ADCYAP1: variants seen among roughly 807,000 people sequenced by gnomAD.
ADCYAP1 encodes the protein adenylate cyclase activating polypeptide 1.
In ADCYAP1, 6 loss-of-function variants were observed where a neutral mutation model predicts 18.5. The ratio of observed to expected loss-of-function variants is 0.32; its 90% CI spans 0.18 to 0.64. ADCYAP1 has a LOEUF of 0.64. Ranked by LOEUF, ADCYAP1 falls within the 30% of genes least tolerant of loss-of-function variation. The pLI is 0.77. For synonymous variants in ADCYAP1, 136 were observed against 113.9 expected (o/e 1.19, Z -1.24); for missense variants, 314 against 253.6 (o/e 1.24, Z -1.62).
rs939591262 is a variant in ADCYAP1 at position 911,735 on chromosome 18, G to A, written c.*2100G>A. The A allele has an allele frequency of 2.0e-5, 3 of 152,194 alleles. No homozygotes were observed. Among genetic ancestry groups the A allele is most frequent in the African/African-American group, 7.2e-5 (3 of 41,450 alleles). 9.4% of individuals were successfully genotyped at this position (152,194 alleles called of 1,614,324 possible). On this transcript the variant is annotated 3_prime_UTR_variant, in exon 5 of 5. Transcript: ENST00000450565. The stretch of plus-strand genomic sequence containing the variant: ...TTTTAAATTGCCACGAATCACAGAT[G>A]GCTATTTAGTGGCCCTACAATGCTG...
Position 907,800 on chromosome 18 carries a change from G to C in ADCYAP1, c.242+10G>C, listed in dbSNP as rs1399202316. Reference sequence around the variant, plus strand: ...GCCCGGCCGGGAGAAGGTGAGATTCGCGCGGCCTCGCGCACACCCGCGGCT... The same window carrying C: ...GCCCGGCCGGGAGAAGGTGAGATTCCCGCGGCCTCGCGCACACCCGCGGCT... On this transcript the variant is annotated intron_variant, in intron 3 of 4. Coordinates refer to ENST00000450565, the MANE Select transcript of ADCYAP1 (RefSeq NM_001099733.2). 4 of 1,420,798 alleles carry C rather than the reference G, an allele frequency of 2.8e-6. No homozygotes were observed. The East Asian group carries it at 8.3e-5, about 30-fold the overall frequency. The allele number at this position is 1,420,798 out of a possible 1,614,324, so 88.0% of individuals were successfully genotyped here. A position where few individuals can be genotyped will look rare whatever the true frequency, so the allele number is the denominator to read the frequency against.
At chr18:906,971 G>T (rs932903287) in intron 2 of ADCYAP1, among the ~76,000 whole-genome samples, 32 of 152,218 alleles carry the variant, frequency 2.1e-4, no homozygotes, top group Non-Finnish European at 1.8e-4. Flanking sequence ...TCAAGTTCCC[G>T]TGTGCCTGGC....
chr18:905,558 A>C, intron 2 of ADCYAP1, 62 bp downstream of exon 2: 1 of 1,575,544 alleles, frequency 6.3e-7, no homozygotes, highest in Non-Finnish European at 8.6e-7. Flanking sequence ...ACGCTTCCTC[A>C]CGGTCTCCTT....
Position 907,715 on chromosome 18 carries a change from C to T in ADCYAP1, c.167C>T (p.Ser56Leu), listed in dbSNP as rs1437941938. The change falls in exon 3 of 5, where the codon TCG (serine) becomes TTG (leucine). Residue 56 changes from serine to leucine, a missense_variant. Coordinates refer to ENST00000450565, the MANE Select transcript of ADCYAP1 (RefSeq NM_001099733.2). The part of the protein sequence containing the change: ...DGNPLPDFDG[S>L]EPPGAGSPAS... ...AACCCGCTGCCAGACTTCGATGGCT[C>T]GGAGCCGCCGGGCGCAGGGAGCCCC... 2 of 1,542,750 alleles carry T rather than the reference C, an allele frequency of 1.3e-6. No individual in the cohort carries two copies. The highest frequency in any genetic ancestry group is 1.7e-6 in the Non-Finnish European group (2 of 1,151,850).
rs1555606130 is a variant in ADCYAP1, at chr18:909,641, G to C, written c.*6G>C. ...GCCGAATAGCTTATTTGTAGCGATG[G>C]GTTACCAGCTACCCTGTGTATACAG... is the stretch of plus-strand genomic sequence containing the variant. On this transcript the variant is annotated 3_prime_UTR_variant, in exon 5 of 5. Transcript: ENST00000450565. 1.2e-6 allele frequency: 2 copies of C among 1,612,488 alleles called. No individual in the cohort carries two copies. Among genetic ancestry groups the C allele is most frequent in the East Asian group, 2.2e-5 (1 of 44,832 alleles).
At chr18:905,735 A>C in intron 2 of ADCYAP1, 1 of 540,822 alleles carries the variant, frequency 1.8e-6, no homozygotes. Context: ...TCCCGGGTAG[A>C]GCCAGTGAGC....
rs1028707178 is a variant in ADCYAP1 at position 910,257 on chromosome 18, T to G, written c.*622T>G. 6.6e-6 allele frequency: 1 copy of G among 152,424 alleles called. No homozygotes were observed. Among genetic ancestry groups the G allele is most frequent in the African/African-American group, 2.4e-5 (1 of 41,448 alleles). 9.4% of individuals were successfully genotyped at this position (152,424 alleles called of 1,614,324 possible). ...CTCTGTCCCCCTGGTTGGGTGGCAA[T>G]TCCAATATTTCTGCTTTCTTTGATT... On this transcript the variant is annotated 3_prime_UTR_variant, in exon 5 of 5. Coordinates refer to ENST00000450565, the MANE Select transcript of ADCYAP1 (RefSeq NM_001099733.2).
intron 3 of ADCYAP1, 174 bp downstream of exon 3, chr18:907,964 G>T: frequency 8.0e-7 from 1 of 1,251,904 alleles, no homozygotes; most frequent in Non-Finnish European, 1.0e-6. Context: ...GCAGCGGGCG[G>T]GTCTGTGTGG....
chr18:907,687 G>T lies in ADCYAP1; in HGVS notation c.139G>T (p.Gly47Ter). Residue 47 changes from glycine (G) to a stop codon, truncating the protein, a stop_gained, in exon 3 of 5, where the codon GGA (glycine) becomes TGA (stop). Transcript: ENST00000450565. LOFTEE classifies it high-confidence loss of function. Reference sequence around the variant, plus strand: ...AGAGGAAGAGGCGTACGGCGAGGACGGAAACCCGCTGCCAGACTTCGATGG... The same window carrying T: ...AGAGGAAGAGGCGTACGGCGAGGACTGAAACCCGCTGCCAGACTTCGATGG... The part of the protein sequence containing the change: ...RPEEEAYGED[G>*]NPLPDFDGSE... The T allele has an allele frequency of 6.4e-7, 1 of 1,573,018 alleles. No homozygotes were observed. Among genetic ancestry groups the T allele is most frequent in the Non-Finnish European group, 8.6e-7 (1 of 1,167,948 alleles).
intron 4 of ADCYAP1, 127 bp downstream of exon 4, chr18:908,490 C>T (rs994299284): frequency 9.3e-6 from 6 of 645,292 alleles, no homozygotes; most frequent in Non-Finnish European, 1.3e-5. Context: ...CTGGGGTGGG[C>T]ATCCGCCACG....
Position 910,513 on chromosome 18 carries a change from A to G in ADCYAP1, c.*878A>G, listed in dbSNP as rs1000146897. On this transcript the variant is annotated 3_prime_UTR_variant, in exon 5 of 5. Transcript: ENST00000450565. Reference sequence around the variant, plus strand: ...CCCCAAATTAGGGCAATTGGAACAAAGTGAAGGACATAGAGGTATATTGGA... The same window carrying G: ...CCCCAAATTAGGGCAATTGGAACAAGGTGAAGGACATAGAGGTATATTGGA... 1.3e-5 allele frequency: 2 copies of G among 152,248 alleles called. No individual in the cohort carries two copies. The highest frequency in any genetic ancestry group is 4.8e-5 in the African/African-American group (2 of 41,450). The allele number at this position is 152,248 out of a possible 1,614,324, so 9.4% of individuals were successfully genotyped here. A position where few individuals can be genotyped will look rare whatever the true frequency, so the allele number is the denominator to read the frequency against.
At position 912,127 on chromosome 18, in the gene ADCYAP1, TAA is replaced by T. The variant is rs1168139554; in HGVS notation, c.*2494_*2495del. On this transcript the variant is annotated 3_prime_UTR_variant, in exon 5 of 5. Transcript: ENST00000450565. The stretch of plus-strand genomic sequence containing the variant: ...AACTAGGACTTTGATAACTGTTATA[TAA>T]AGTGTGTAAAATTTGTATGAATAAA... 2.0e-5 allele frequency: 3 copies of T among 152,370 alleles called. No individual in the cohort carries two copies. The East Asian group carries it at 5.8e-4, about 29-fold the overall frequency. 9.4% of individuals were successfully genotyped at this position (152,370 alleles called of 1,614,324 possible).
intron 3 of ADCYAP1, 87 bp downstream of exon 3, chr18:907,877 A>T (rs74844239): frequency 8.3e-7 from 1 of 1,200,716 alleles, no homozygotes; most frequent in Non-Finnish European, 1.1e-6. Context: ...CCCACCCAGG[A>T]TTTTTTTTTT....
At chr18:905,868 G>C (rs1396115975) in intron 2 of ADCYAP1, 1 of 268,166 alleles carries the variant, frequency 3.7e-6, no homozygotes, top group Non-Finnish European at 7.1e-6. Flanking sequence ...CAGCTCTGGA[G>C]CCTGGCCGGG....
chr18:904,482 A>G, upstream of ADCYAP1: 2 of 1,289,186 alleles, frequency 1.6e-6, no homozygotes, highest in Non-Finnish European at 1.0e-6. Flanking sequence ...ATGTTCGGAT[A>G]GATTTTTGCG....
At chr18:907,208 C>T (rs1478668752) in intron 2 of ADCYAP1, among the ~76,000 whole-genome samples, 1 of 152,250 alleles carries the variant, frequency 6.6e-6, no homozygotes, top group African/African-American at 2.4e-5. Flanking sequence ...GCACGCCCCA[C>T]GCATCCTCTC....
At position 908,298 on chromosome 18, in the gene ADCYAP1, C is replaced by T; in HGVS notation, c.276C>T (p.Tyr92=). 1 of 1,613,098 alleles carries T rather than the reference C, an allele frequency of 6.2e-7. No homozygotes were observed. Among genetic ancestry groups the T allele is most frequent in the East Asian group, 2.2e-5 (1 of 44,832 alleles). Residue 92 remains tyrosine (Y), a synonymous_variant, in exon 4 of 5, where the codon TAC becomes TAT. Coordinates refer to ENST00000450565, the MANE Select transcript of ADCYAP1 (RefSeq NM_001099733.2). ...CCCACGGGATCCTTAACGAGGCCTA[C>T]CGCAAAGTGCTGGACCAGCTGTCCG... ...DVAHGILNEA[Y]RKVLDQLSAG... is the part of the protein sequence containing the mutation.
intron 4 of ADCYAP1, among the ~76,000 whole-genome samples, chr18:908,985 G>A (rs1909282211): frequency 1.3e-5 from 2 of 152,178 alleles, no homozygotes; most frequent in South Asian, 4.1e-4. Context: ...GGAGGGAGAG[G>A]AGTGTTCATA....
intron 2 of ADCYAP1, chr18:906,260 G>A (rs1045515985): frequency 6.6e-6 from 1 of 152,378 alleles, no homozygotes; most frequent in Non-Finnish European, 1.5e-5. Context: ...TTAACCCCGG[G>A]TTTCTAACCG....
Sources: allele counts gnomAD v4.1 joint callset (sites outside exome capture counted in the v4.1 genomes callset), GRCh38; gene constraint gnomAD v4.1.1; transcripts MANE v1.5; gene names NCBI Gene and HGNC (gene_info 2026-07-23, HGNC 2026-07-21).